CACNA2D3: variants seen among roughly 807,000 people sequenced by gnomAD.
CACNA2D3 encodes calcium voltage-gated channel auxiliary subunit alpha2delta 3.
Under a neutral mutation model 160.6 loss-of-function variants are expected in CACNA2D3, and 60 were observed. The observed-to-expected ratio is 0.37, with a 90% CI of 0.30 to 0.46. The LOEUF is 0.46. Among genes scored for constraint, CACNA2D3 ranks in the 20% least tolerant of loss-of-function variants. The pLI is 1.00. For synonymous variants in CACNA2D3, 558 were observed against 492.9 expected, an observed-to-expected ratio of 1.13 and a Z score of -1.75; for missense variants, 1,205 against 1,365.0, an observed-to-expected ratio of 0.88 and a Z score of 1.85.
At chr3:54,212,589 G>A (rs1434951927) in intron 2 of CACNA2D3, among the ~76,000 whole-genome samples, 2 of 152,126 alleles carry the variant, frequency 1.3e-5, no homozygotes, top group African/African-American at 4.8e-5. Flanking sequence ...TGTTAATGCT[G>A]GTTGGCTTTT....
At chr3:54,216,826 C>G (rs1204137483) in intron 2 of CACNA2D3, among the ~76,000 whole-genome samples, 1 of 152,164 alleles carries the variant, frequency 6.6e-6, no homozygotes, top group Non-Finnish European at 1.5e-5. Flanking sequence ...AGCCATCTAG[C>G]TCTTATTTTT....
At chr3:54,140,450 T>G (rs546870833) in intron 2 of CACNA2D3, among the ~76,000 whole-genome samples, 1 of 152,306 alleles carries the variant, frequency 6.6e-6, no homozygotes, top group African/African-American at 2.4e-5. Context: ...CGCCCCACTT[T>G]CTCTCACATT....
In CACNA2D3 at chr3:54,721,585, A is replaced by C. The variant is rs529442648; in HGVS notation, c.1168-31014A>C. 5.3e-5 allele frequency among the ~76,000 whole-genome samples: 8 copies of C among 151,812 alleles called. No homozygotes were observed. In the East Asian group the frequency reaches 1.6e-3, roughly 30 times the overall value. ...AGACCAGCCTGGCCAACATGGTGAA[A>C]CCCCGTCTCTACTAAAAATACAAAA... On this transcript the variant is annotated intron_variant, in intron 11 of 37. Transcript: ENST00000474759.
At chr3:54,671,924 G>C (rs1038100860) in intron 11 of CACNA2D3, among the ~76,000 whole-genome samples, 2 of 152,190 alleles carry the variant, frequency 1.3e-5, no homozygotes, top group African/African-American at 4.8e-5. Flanking sequence ...GACTTGATGG[G>C]GTCACAAAAG....
rs943968861 is a variant in CACNA2D3 at position 55,018,227 on chromosome 3, T to C, written c.2897T>C (p.Leu966Pro). The change falls in exon 35 of 38, where the codon CTG (leucine) becomes CCG (proline). Residue 966 changes from leucine to proline, a missense_variant. Coordinates refer to ENST00000474759, the MANE Select transcript of CACNA2D3 (RefSeq NM_018398.3). ...ACAGCCCAGAAATTGAAACAGACCC[T>C]GGAGCCTTGTGATACTGAATATCCA... ...TAKAQKLKQT[L>P]EPCDTEYPAF... 10 of 1,612,402 alleles carry C rather than the reference T, an allele frequency of 6.2e-6. No individual in the cohort carries two copies. The highest frequency in any genetic ancestry group is 8.5e-6 in the Non-Finnish European group (10 of 1,178,720).
rs181824712 is a variant in CACNA2D3 at position 54,142,677 on chromosome 3, T to C, written c.204+19083T>C. ...CAGCATTCAGAATACCTAAGACATATTACCTCACTAAATCCTCACAACCCT... is the reference window on the plus strand; with the variant it reads ...CAGCATTCAGAATACCTAAGACATACTACCTCACTAAATCCTCACAACCCT... On this transcript the variant is annotated intron_variant, in intron 2 of 37. Coordinates refer to ENST00000474759, the MANE Select transcript of CACNA2D3 (RefSeq NM_018398.3). Among the ~76,000 whole-genome samples the C allele has an allele frequency of 1.8e-3, 271 of 152,262 alleles. 1 individual carries two copies. The highest frequency in any genetic ancestry group is 6.1e-3 in the African/African-American group (254 of 41,552).
chr3:54,848,166 T>C lies in CACNA2D3; in HGVS notation c.1626+1699T>C, dbSNP rs111379576. Among the ~76,000 whole-genome samples the C allele has an allele frequency of 3.3e-5, 5 of 152,320 alleles. 1 individual carries two copies. The highest frequency in any genetic ancestry group is 1.2e-4 in the African/African-American group (5 of 41,574). ...TTGCCTAGCAGTCTTTTATGTCTTC[T>C]GGCCCTGCAGCAAATGGTGTGTTTG... On this transcript the variant is annotated intron_variant, in intron 17 of 37. Transcript: ENST00000474759.
intron 27 of CACNA2D3, among the ~76,000 whole-genome samples, chr3:54,906,355 G>A (rs145657431): frequency 0.025 from 3,780 of 152,174 alleles, 73 homozygotes; most frequent in Admixed American, 0.037. Context: ...GAGGAAGTGC[G>A]CAGCCATGTG....
chr3:54,293,817 G>A (rs55814017), intron 2 of CACNA2D3, among the ~76,000 whole-genome samples: 31,107 of 152,052 alleles, frequency 0.2, 3,338 homozygotes, highest in East Asian at 0.25. Context: ...TTGCAAAGGG[G>A]CTCCTTGAGG....
chr3:54,488,364 G>A (rs1207704184), intron 4 of CACNA2D3, among the ~76,000 whole-genome samples: 1 of 152,136 alleles, frequency 6.6e-6, no homozygotes, highest in Non-Finnish European at 1.5e-5. Context: ...CTGCCAGGCT[G>A]GGGTGTCCAT....
chr3:54,604,730 G>C (rs896479508), intron 9 of CACNA2D3, among the ~76,000 whole-genome samples: 1 of 152,108 alleles, frequency 6.6e-6, no homozygotes, highest in African/African-American at 2.4e-5. Context: ...CCTTCTAATA[G>C]GTTGTCCTAC....
chr3:54,280,068 G>GTTTATTTATTTA lies in CACNA2D3; in HGVS notation c.205-40354_205-40343dup, dbSNP rs71617794. Among the ~76,000 whole-genome samples the GTTTATTTATTTA allele has an allele frequency of 1.5e-4, 20 of 135,460 alleles. No homozygotes were observed. In the South Asian group the frequency reaches 4.0e-3, roughly 27 times the overall value. The allele number at this position is 135,460 out of a possible 152,430, so 88.9% of individuals were successfully genotyped here. On this transcript the variant is annotated intron_variant, in intron 2 of 37. Coordinates refer to ENST00000474759, the MANE Select transcript of CACNA2D3 (RefSeq NM_018398.3). ...AGATGACTTGTTTGTTTGTTTGTTT[G>GTTTATTTATTTA]TTTATTTATTTATTTATTTATTTAT...
chr3:54,296,171 A>G (rs1178654906), intron 2 of CACNA2D3, among the ~76,000 whole-genome samples: 1 of 152,214 alleles, frequency 6.6e-6, no homozygotes, highest in African/African-American at 2.4e-5. Context: ...ACGCCTGGGC[A>G]CTGGGGTAAG....
At chr3:54,153,190 G>A (rs183498054) in intron 2 of CACNA2D3, among the ~76,000 whole-genome samples, 121 of 152,248 alleles carry the variant, frequency 7.9e-4, no homozygotes, top group African/African-American at 2.9e-3. Flanking sequence ...CTGGGCCTGA[G>A]TGTCCACGTC....
chr3:54,187,593 G>A (rs1437232353), intron 2 of CACNA2D3, among the ~76,000 whole-genome samples: 3 of 152,104 alleles, frequency 2.0e-5, no homozygotes, highest in Non-Finnish European at 4.4e-5. Flanking sequence ...CTTCCCGGGT[G>A]AGCTCATGAT....
intron 35 of CACNA2D3, among the ~76,000 whole-genome samples, chr3:55,066,289 C>T (rs750346089): frequency 4.6e-5 from 7 of 152,168 alleles, no homozygotes; most frequent in Non-Finnish European, 8.8e-5. Context: ...TTCATTTTAT[C>T]TTTGGATAAA....
At chr3:54,510,445 C>T (rs1361713151) in intron 5 of CACNA2D3, among the ~76,000 whole-genome samples, 1 of 152,186 alleles carries the variant, frequency 6.6e-6, no homozygotes, top group African/African-American at 2.4e-5. Context: ...AGGGAAGTTA[C>T]CTGGGGCAAA....
chr3:54,879,103 A>T lies in CACNA2D3; in HGVS notation c.1782+14A>T. 6.4e-7 allele frequency: 1 copy of T among 1,558,048 alleles called. No individual in the cohort carries two copies. Among genetic ancestry groups the T allele is most frequent in the Non-Finnish European group, 8.7e-7 (1 of 1,143,608 alleles). ...GTGGACAAAGGGGTACATTTTTCTCAAACATTTTTGCTGCTTAATTTAAAA... is the reference window on the plus strand; with the variant it reads ...GTGGACAAAGGGGTACATTTTTCTCTAACATTTTTGCTGCTTAATTTAAAA... On this transcript the variant is annotated intron_variant, in intron 19 of 37. Transcript: ENST00000474759.
intron 11 of CACNA2D3, among the ~76,000 whole-genome samples, chr3:54,650,872 C>T (rs1347930685): frequency 6.6e-6 from 1 of 152,164 alleles, no homozygotes; most frequent in African/African-American, 2.4e-5. Flanking sequence ...ATAGCTAATT[C>T]CTACTGAATG....
Sources: allele counts gnomAD v4.1 joint callset (sites outside exome capture counted in the v4.1 genomes callset), GRCh38; gene constraint gnomAD v4.1.1; transcripts MANE v1.5; gene names NCBI Gene and HGNC (gene_info 2026-07-23, HGNC 2026-07-21).